The following CNOT9 variants were observed in gnomAD, a reference collection of about 807,000 sequenced individuals.
CNOT9 encodes the protein CCR4-NOT transcription complex subunit 9.
In CNOT9, 8 loss-of-function variants were observed where a neutral mutation model predicts 37.4. That is an observed-to-expected ratio of 0.21 (90% CI 0.13 to 0.39). The LOEUF (loss-of-function observed/expected upper bound fraction) is 0.39, where lower values mean the gene tolerates loss of function less well. CNOT9 is among the 10% of genes least tolerant of loss of function. CNOT9 has a pLI of 1.00. For missense variants in CNOT9, 154 were observed against 365.3 expected (o/e 0.42, Z 4.71); for synonymous variants, 120 against 137.6 (o/e 0.87, Z 0.90).
rs1206126486 is a variant in CNOT9 at position 218,594,798 on chromosome 2, G to A, written c.*522G>A. The A allele has an allele frequency of 6.5e-6, 1 of 153,394 alleles. No homozygotes were observed. Among genetic ancestry groups the A allele is most frequent in the Non-Finnish European group, 1.5e-5 (1 of 68,942 alleles). 9.5% of individuals were successfully genotyped at this position (153,394 alleles called of 1,614,324 possible). ...AGAGAGGTGTGTTTAGTGGGCACAA[G>A]CTGTAATATTCAGCAAAACTTTGTC... is the stretch of plus-strand genomic sequence containing the variant. On this transcript the variant is annotated 3_prime_UTR_variant, in exon 8 of 8. Coordinates refer to ENST00000273064, the MANE Select transcript of CNOT9 (RefSeq NM_005444.3).
rs961924450 is a variant in CNOT9 at position 218,579,449 on chromosome 2, T to C, written c.25-1112T>C. Among the ~76,000 whole-genome samples the C allele has an allele frequency of 2.6e-5, 4 of 152,194 alleles. No individual in the cohort carries two copies. The South Asian group carries it at 8.3e-4, about 32-fold the overall frequency. On this transcript the variant is annotated intron_variant, in intron 1 of 7. Coordinates refer to ENST00000273064, the MANE Select transcript of CNOT9 (RefSeq NM_005444.3). ...GTATCACATTATAAAGCTGCACCAA[T>C]ATTTAACCAGTCTCTTAGTGAGAGA...
At chr2:218,584,133 C>T (rs1266411686) in intron 3 of CNOT9, among the ~76,000 whole-genome samples, 4 of 152,150 alleles carry the variant, frequency 2.6e-5, no homozygotes, top group Admixed American at 2.6e-4. Context: ...TTAAAATCCA[C>T]AATTGGATAT....
chr2:218,587,753 G>A, intron 5 of CNOT9, 58 bp downstream of exon 5: 2 of 779,112 alleles, frequency 2.6e-6, no homozygotes, highest in Non-Finnish European at 3.8e-6. Flanking sequence ...CTTCCTTATG[G>A]TCCTGGGATC....
rs1694340877 is a variant in CNOT9, at chr2:218,580,554, T to A, written c.25-7T>A. 1.2e-6 allele frequency: 2 copies of A among 1,601,254 alleles called. No homozygotes were observed. The highest frequency in any genetic ancestry group is 1.7e-6 in the Non-Finnish European group (2 of 1,173,608). On this transcript the variant is annotated splice_region_variant and splice_polypyrimidine_tract_variant and intron_variant, in intron 1 of 7. Coordinates refer to ENST00000273064, the MANE Select transcript of CNOT9 (RefSeq NM_005444.3). Reference sequence around the variant, plus strand: ...ACTGATATTTACTTTCTTGTCTTCATCTGAAGCCTGTGCCTACTACACTGG... The same window carrying A: ...ACTGATATTTACTTTCTTGTCTTCAACTGAAGCCTGTGCCTACTACACTGG...
Position 218,582,991 on chromosome 2 carries a change from A to G in CNOT9, c.225A>G (p.Pro75=), listed in dbSNP as rs757831004. 3.7e-6 allele frequency: 6 copies of G among 1,610,524 alleles called. No individual in the cohort carries two copies. The highest frequency in any genetic ancestry group is 2.2e-5 in the South Asian group (2 of 90,960). ...TTTAGGAAATTGTAAATATTTATCC[A>G]TCTATCAACCCACCCACCTTGACAG... ...ALLQEIVNIY[P]SINPPTLTAH... The change falls in exon 3 of 8, where the codon CCA becomes CCG. Residue 75 remains proline, a synonymous_variant. Coordinates refer to ENST00000273064, the MANE Select transcript of CNOT9 (RefSeq NM_005444.3).
In CNOT9 at chr2:218,572,276, G is replaced by A. The variant is rs1476911960; in HGVS notation, c.24+3298G>A. Among the ~76,000 whole-genome samples, 3 of 152,006 alleles carry A rather than the reference G, an allele frequency of 2.0e-5. 1 individual carries two copies. The highest frequency in any genetic ancestry group is 4.2e-4 in the South Asian group (2 of 4,818). On this transcript the variant is annotated intron_variant, in intron 1 of 7. Coordinates refer to ENST00000273064, the MANE Select transcript of CNOT9 (RefSeq NM_005444.3). ...GTGGAGGTTGCAGTGAGCCAAAATC[G>A]TGCCATTGCACTTCAGCCTGGGAGA...
At position 218,568,883 on chromosome 2, in the gene CNOT9, T is replaced by C; in HGVS notation, c.-72T>C. On this transcript the variant is annotated 5_prime_UTR_variant, in exon 1 of 8. Transcript: ENST00000273064. ...GCTACGGCGGCTCATTGTTTTCCGC[T>C]GCAGGGGTGCTGAAGGGGGGACGCG... 5.2e-6 allele frequency: 8 copies of C among 1,550,770 alleles called. No individual in the cohort carries two copies. The highest frequency in any genetic ancestry group is 5.3e-6 in the Non-Finnish European group (6 of 1,141,264).
chr2:218,583,066 A>T lies in CNOT9; in HGVS notation c.300A>T (p.Val100=). 1 of 1,613,074 alleles carries T rather than the reference A, an allele frequency of 6.2e-7. No individual in the cohort carries two copies. Among genetic ancestry groups the T allele is most frequent in the East Asian group, 2.2e-5 (1 of 44,878 alleles). ...VCNALALLQC[V]ASHPETRSAF... ...ATGCTCTGGCATTACTGCAATGTGT[A>T]GCATCACATCCAGAAACCAGGTAAA... The change falls in exon 3 of 8, where the codon GTA becomes GTT. Residue 100 remains valine (V), a synonymous_variant. Coordinates refer to ENST00000273064, the MANE Select transcript of CNOT9 (RefSeq NM_005444.3).
chr2:218,575,237 A>G (rs1175358869), intron 1 of CNOT9, among the ~76,000 whole-genome samples: 3 of 152,148 alleles, frequency 2.0e-5, no homozygotes, highest in East Asian at 1.9e-4. Flanking sequence ...CTGTTCTTCA[A>G]TTTGATAAAC....
intron 4 of CNOT9, among the ~76,000 whole-genome samples, chr2:218,586,034 A>G (rs143865880): frequency 6.6e-6 from 1 of 152,276 alleles, no homozygotes; most frequent in East Asian, 1.9e-4. Flanking sequence ...ATAACTAAAA[A>G]CTACAAAACT....
chr2:218,593,393 G>A, intron 7 of CNOT9: 1 of 501,190 alleles, frequency 2.0e-6, no homozygotes, highest in South Asian at 4.7e-5. Context: ...CTGTTCTTCA[G>A]TGGTTCTTGT....
At chr2:218,589,658 G>T (rs1279181048) in intron 5 of CNOT9, among the ~76,000 whole-genome samples, 1 of 152,066 alleles carries the variant, frequency 6.6e-6, no homozygotes, top group African/African-American at 2.4e-5. Context: ...AAGAGACAAG[G>T]TTTCACTATG....
chr2:218,580,411 A>G, intron 1 of CNOT9, 150 bp from the exon 2 acceptor site: 1 of 613,342 alleles, frequency 1.6e-6, no homozygotes, highest in South Asian at 2.4e-5. Context: ...GTAACTACCA[A>G]AGAGATTGAA....
At chr2:218,569,853 T>C (rs1183232860) in intron 1 of CNOT9, among the ~76,000 whole-genome samples, 5 of 152,224 alleles carry the variant, frequency 3.3e-5, no homozygotes, top group Non-Finnish European at 7.3e-5. Context: ...TTAAACTGTT[T>C]ATCCAAATCC....
intron 1 of CNOT9, among the ~76,000 whole-genome samples, chr2:218,569,835 TC>T (rs771462708): frequency 1.3e-5 from 2 of 152,180 alleles, no homozygotes; most frequent in African/African-American, 2.4e-5. Flanking sequence ...GAACTCTCCT[TC>T]CTCTCCTTAA....
At chr2:218,585,236 GTCTTACT>G (rs5838703) in intron 4 of CNOT9, among the ~76,000 whole-genome samples, 91,213 of 150,992 alleles carry the variant, frequency 0.6, 27,688 homozygotes, top group East Asian at 0.78. Flanking sequence ...TTGTTTGTTT[GTCTTACT>G]TCTAATACCG....
At chr2:218,579,651 T>C (rs898203193) in intron 1 of CNOT9, among the ~76,000 whole-genome samples, 2 of 151,840 alleles carry the variant, frequency 1.3e-5, no homozygotes, top group African/African-American at 4.8e-5. Context: ...CACGCCCAGC[T>C]AATTTTTTGT....
At chr2:218,575,510 A>T (rs1012831621) in intron 1 of CNOT9, among the ~76,000 whole-genome samples, 5 of 149,990 alleles carry the variant, frequency 3.3e-5, no homozygotes, top group Non-Finnish European at 7.4e-5. Context: ...GGTTCACGCC[A>T]TTCTGCCTCA....
chr2:218,592,856 A>G lies in CNOT9; in HGVS notation c.731+149A>G. On this transcript the variant is annotated intron_variant, in intron 7 of 7. Transcript: ENST00000273064. This position sits in a 1 kb window ranked among gnomAD's most constrained non-coding sequence, Gnocchi z 4.1. ...CTGAGACAGAACTTAGATTCTTTTA[A>G]AAATCTGAAATGCTGAATTTTAGTA... 1 of 638,280 alleles carries G rather than the reference A, an allele frequency of 1.6e-6. No individual in the cohort carries two copies. The highest frequency in any genetic ancestry group is 2.7e-6 in the Non-Finnish European group (1 of 368,354). 39.5% of individuals were successfully genotyped at this position (638,280 alleles called of 1,614,324 possible).
Sources: gnomAD v4.1 joint callset for allele counts (sites outside exome capture counted in the v4.1 genomes callset) on GRCh38, gnomAD v4.1.1 for gene constraint, Gnocchi (gnomAD v3.1) non-coding constraint, MANE v1.5 for transcripts, NCBI Gene and HGNC (gene_info 2026-07-23, HGNC 2026-07-21) for gene names.